The following APPL1 variants were observed in gnomAD, a reference collection of about 807,000 sequenced individuals.
APPL1 encodes the protein DCC-interacting protein 13-alpha.
APPL1 carries 42 observed loss-of-function variants against 106.8 expected under a neutral mutation model. The ratio of observed to expected loss-of-function variants is 0.39; its 90% confidence interval spans 0.31 to 0.51. The LOEUF (loss-of-function observed/expected upper bound fraction) is 0.51. Ranked by LOEUF, APPL1 falls within the 20% of genes least tolerant of loss-of-function variation. The pLI is 0.75. For missense variants in APPL1, 769 were observed against 858.2 expected (o/e 0.90, Z 1.30); for synonymous variants, 263 against 281.8 (o/e 0.93, Z 0.67).
rs2060911356 is a variant in APPL1 at position 57,268,548 on chromosome 3, T to C, written c.1983+61T>C. The C allele has an allele frequency of 1.6e-5, 23 of 1,480,492 alleles. No homozygotes were observed. In the South Asian group the frequency reaches 3.5e-4, roughly 23 times the overall value. 91.7% of individuals were successfully genotyped at this position (1,480,492 alleles called of 1,614,324 possible). A position where few individuals can be genotyped will look rare whatever the true frequency, so the allele number is the denominator to read the frequency against. ...TTTGTGAAGACTTAATTCAGCACTATGACTTTCAGATTTGAATTTCCAAAT... is the reference window on the plus strand; with the variant it reads ...TTTGTGAAGACTTAATTCAGCACTACGACTTTCAGATTTGAATTTCCAAAT... On this transcript the variant is annotated intron_variant, in intron 21 of 21. Transcript: ENST00000288266.
chr3:57,261,467 A>G (rs2060864827), intron 19 of APPL1, among the ~76,000 whole-genome samples: 1 of 152,178 alleles, frequency 6.6e-6, no homozygotes, highest in East Asian at 1.9e-4. Context: ...TTTTGGGTAG[A>G]TACCCAGTAG....
In APPL1 at chr3:57,270,297, T is replaced by C. The variant is rs2060927585; in HGVS notation, c.*610T>C. 1 of 152,696 alleles carries C rather than the reference T, an allele frequency of 6.5e-6. No homozygotes were observed. The highest frequency in any genetic ancestry group is 1.5e-5 in the Non-Finnish European group (1 of 68,066). 9.5% of individuals were successfully genotyped at this position (152,696 alleles called of 1,614,324 possible). The stretch of plus-strand genomic sequence containing the variant: ...TGGGATTGCTCACATTTCTCTAATG[T>C]ACTGCACTTGATGCCAGTAGGAAAG... On this transcript the variant is annotated 3_prime_UTR_variant, in exon 22 of 22. Transcript: ENST00000288266.
chr3:57,273,458 GT>G lies in APPL1; in HGVS notation c.*3777del, dbSNP rs1038622332. ...ATAAAGTCCATGATTTTTGTACAGT[GT>G]TTTTTAATGAAATATTTGATACTCT... On this transcript the variant is annotated 3_prime_UTR_variant, in exon 22 of 22. Coordinates refer to ENST00000288266, the MANE Select transcript of APPL1 (RefSeq NM_012096.3). The G allele has an allele frequency of 7.2e-5, 11 of 152,480 alleles. No individual in the cohort carries two copies. The highest frequency in any genetic ancestry group is 2.2e-4 in the African/African-American group (9 of 41,396). The allele number at this position is 152,480 out of a possible 1,614,324, so 9.4% of individuals were successfully genotyped here.
intron 1 of APPL1, among the ~76,000 whole-genome samples, chr3:57,234,296 CTTTTTTTTTT>C (rs1212693146): frequency 8.1e-6 from 1 of 124,214 alleles, no homozygotes; most frequent in Non-Finnish European, 1.7e-5. Context: ...TATTGACATT[CTTTTTTTTTT>C]TTTTTTTTTG....
intron 9 of APPL1, 76 bp downstream of exon 9, chr3:57,247,553 T>C (rs1457494118): frequency 1.1e-6 from 1 of 937,310 alleles, no homozygotes; most frequent in Non-Finnish European, 1.6e-6. Context: ...TGTAAAGATA[T>C]TTATCATTTA....
chr3:57,247,890 G>T (rs1235859014), intron 9 of APPL1, among the ~76,000 whole-genome samples: 2 of 152,184 alleles, frequency 1.3e-5, no homozygotes, highest in Non-Finnish European at 2.9e-5. Context: ...TCAGTCCACG[G>T]TATGGAGAGA....
In APPL1 at chr3:57,269,939, C is replaced by T. The variant is rs956561986; in HGVS notation, c.*252C>T. On this transcript the variant is annotated 3_prime_UTR_variant, in exon 22 of 22. Coordinates refer to ENST00000288266, the MANE Select transcript of APPL1 (RefSeq NM_012096.3). The stretch of plus-strand genomic sequence containing the variant: ...CTGCTCATCTCCCTGAAGCAGACTG[C>T]TGAGGAATTACATTTGCTCAAGAAT... 2.1e-5 allele frequency: 6 copies of T among 284,932 alleles called. No individual in the cohort carries two copies. The highest frequency in any genetic ancestry group is 1.0e-4 in the Admixed American group (2 of 19,974). 17.7% of individuals were successfully genotyped at this position (284,932 alleles called of 1,614,324 possible).
At chr3:57,260,306 C>A in intron 18 of APPL1, 153 bp downstream of exon 18, 1 of 761,046 alleles carries the variant, frequency 1.3e-6, no homozygotes, top group Non-Finnish European at 2.0e-6. Flanking sequence ...TGGCCATCTC[C>A]AAAAAGTTGT....
At chr3:57,253,129 AAGC>A (rs1165746465) in intron 12 of APPL1, among the ~76,000 whole-genome samples, 1 of 152,186 alleles carries the variant, frequency 6.6e-6, no homozygotes, top group Non-Finnish European at 1.5e-5. Context: ...CTCGAGAGTG[AAGC>A]AGAAGATGTA....
intron 1 of APPL1, among the ~76,000 whole-genome samples, chr3:57,230,560 A>C (rs919477284): frequency 2.6e-5 from 4 of 152,236 alleles, no homozygotes; most frequent in African/African-American, 7.2e-5. Context: ...TACATTCCAA[A>C]TAAAAACATT....
At chr3:57,236,253 A>G (rs2060715810) in intron 2 of APPL1, among the ~76,000 whole-genome samples, 1 of 151,552 alleles carries the variant, frequency 6.6e-6, no homozygotes, top group South Asian at 2.1e-4. Context: ...CATGTTGGTC[A>G]GGCTGGTCTC....
chr3:57,249,380 C>T lies in APPL1; in HGVS notation c.884C>T (p.Ser295Phe). ...TTCAGTAAAACAGGCTTGGTGTCAT[C>T]TACCTGGGACAGACAGTTTTACTTC... ...NARNKTGLVSSTWDRQFYFTQ... is the reference protein window; with the variant it reads ...NARNKTGLVSFTWDRQFYFTQ... The change falls in exon 11 of 22, where the codon TCT (serine) becomes TTT (phenylalanine). Residue 295 changes from serine to phenylalanine, a missense_variant. By Grantham distance (155) the Ser-to-Phe change is radical. Coordinates refer to ENST00000288266, the MANE Select transcript of APPL1 (RefSeq NM_012096.3). The T allele has an allele frequency of 6.2e-7, 1 of 1,614,132 alleles. No individual in the cohort carries two copies. The highest frequency in any genetic ancestry group is 8.5e-7 in the Non-Finnish European group (1 of 1,180,026).
intron 2 of APPL1, among the ~76,000 whole-genome samples, chr3:57,236,260 T>C (rs2060715834): frequency 6.6e-6 from 1 of 151,722 alleles, no homozygotes; most frequent in Admixed American, 6.6e-5. Context: ...GTCAGGCTGG[T>C]CTCGAACTCC....
chr3:57,240,136 T>A (rs1019384944), intron 4 of APPL1, among the ~76,000 whole-genome samples: 18 of 151,748 alleles, frequency 1.2e-4, no homozygotes, highest in Non-Finnish European at 2.1e-4. Context: ...GAGTTGTTTT[T>A]TTTTTTTTTC....
intron 12 of APPL1, among the ~76,000 whole-genome samples, 188 bp from the exon 13 acceptor site, chr3:57,253,494 T>C (rs1257164391): frequency 2.0e-5 from 3 of 151,984 alleles, no homozygotes; most frequent in Admixed American, 6.6e-5. Context: ...CCTTATGAAA[T>C]GTTTTCTTAT....
chr3:57,262,575 A>G (rs534942872), intron 19 of APPL1, among the ~76,000 whole-genome samples: 1 of 150,680 alleles, frequency 6.6e-6, no homozygotes, highest in Non-Finnish European at 1.5e-5. Context: ...TAGTAGAGAC[A>G]GGATTTCACC....
chr3:57,237,514 A>G lies in APPL1; in HGVS notation c.176A>G (p.His59Arg), dbSNP rs751804230. ...TAGAATGAATTAAGTGCAGCAACAC[A>G]CCTGACCTCAAAACTTTTAAAAGAA... ...DAQNELSAAT[H>R]LTSKLLKEYE... Residue 59 changes from histidine (H) to arginine (R), a missense_variant, in exon 3 of 22, where the codon CAC (histidine) becomes CGC (arginine). By Grantham distance (29) the His-to-Arg change is conservative. Transcript: ENST00000288266. 7.5e-6 allele frequency: 12 copies of G among 1,603,628 alleles called. No individual in the cohort carries two copies. Among genetic ancestry groups the G allele is most frequent in the Non-Finnish European group, 1.0e-5 (12 of 1,175,366 alleles).
Position 57,237,549 on chromosome 3 carries a change from C to A in APPL1, c.211C>A (p.Gln71Lys). ...AAAACTTTTAAAAGAATATGAAAAA[C>A]AGGTATTGTATATCAAAGTTTTAAA... ...TSKLLKEYEK[Q>K]RFPLGGDDEV... The change falls in exon 3 of 22, where the codon CAG becomes AAG. Residue 71 changes from glutamine (Q) to lysine (K), a missense_variant and splice_region_variant. Transcript: ENST00000288266. 6.3e-7 allele frequency: 1 copy of A among 1,589,268 alleles called. No individual in the cohort carries two copies. The highest frequency in any genetic ancestry group is 8.6e-7 in the Non-Finnish European group (1 of 1,164,680).
chr3:57,235,739 C>T (rs981057769), intron 2 of APPL1, 75 bp downstream of exon 2: 119 of 1,048,646 alleles, frequency 1.1e-4, no homozygotes, highest in Admixed American at 2.1e-4. Context: ...TAGTGTCTGT[C>T]TTGTTTACCA....
Sources: gnomAD v4.1 joint callset for allele counts (sites outside exome capture counted in the v4.1 genomes callset) on GRCh38, gnomAD v4.1.1 for gene constraint, MANE v1.5 for transcripts, NCBI Gene and HGNC (gene_info 2026-07-23, HGNC 2026-07-21) for gene names.